UBE4B: variants seen among roughly 807,000 people sequenced by gnomAD.
UBE4B encodes the protein ubiquitination factor E4B.
UBE4B carries 27 observed loss-of-function variants against 148.1 expected under a neutral mutation model. The ratio of observed to expected loss-of-function variants is 0.18; its 90% CI spans 0.13 to 0.25. The LOEUF (loss-of-function observed/expected upper bound fraction) is 0.25, where lower values mean the gene tolerates loss of function less well. Among genes scored for constraint, UBE4B ranks in the 10% least tolerant of loss-of-function variants. The probability of loss-of-function intolerance (pLI) is 1.00; values close to 1 mark genes in which losing one functional copy is unlikely to be tolerated. For synonymous variants in UBE4B, 596 were observed against 619.3 expected (o/e 0.96, Z 0.56); for missense variants, 1,170 against 1,662.4 (o/e 0.70, Z 5.15).
intron 7 of UBE4B, among the ~76,000 whole-genome samples, chr1:10,109,823 G>A (rs756832690): frequency 5.9e-4 from 90 of 152,010 alleles, no homozygotes; most frequent in Non-Finnish European, 1.2e-3. Flanking sequence ...GCTAATTTTT[G>A]TATTTTTAGC....
chr1:10,045,654 G>A (rs982496005), intron 1 of UBE4B, among the ~76,000 whole-genome samples: 1 of 152,202 alleles, frequency 6.6e-6, no homozygotes, highest in South Asian at 2.1e-4. Context: ...CTGCTGTGAA[G>A]AGAATAGATA....
intron 16 of UBE4B, among the ~76,000 whole-genome samples, chr1:10,136,811 T>C (rs1645693372): frequency 6.6e-6 from 1 of 151,918 alleles, no homozygotes; most frequent in Non-Finnish European, 1.5e-5. Context: ...CCCAGCTTAC[T>C]AGGGAGGCTG....
Position 10,168,239 on chromosome 1 carries a change from C to T in UBE4B, c.3302C>T (p.Thr1101Met), listed in dbSNP as rs1646284773. Residue 1101 changes from threonine (T) to methionine (M), a missense_variant, in exon 24 of 28, where the codon ACG becomes ATG. Thr to Met is a moderately conservative substitution (Grantham distance 81, BLOSUM62 -1). This residue lies in a region of UBE4B where 348 missense variants were observed against 627.2 expected (regional missense o/e 0.55). Coordinates refer to ENST00000343090, the MANE Select transcript of UBE4B (RefSeq NM_001105562.3). This position sits in a 1 kb window ranked among gnomAD's most constrained non-coding sequence, Gnocchi z 4.9. The stretch of plus-strand genomic sequence containing the variant: ...ACCGTGGACATGTTCCACATCCTCA[C>T]GAAGCAGGTCCAGAAGCCCTTCCTC... ...TETVDMFHIL[T>M]KQVQKPFLRP... 1 of 1,614,160 alleles carries T rather than the reference C, an allele frequency of 6.2e-7. No homozygotes were observed. The highest frequency in any genetic ancestry group is 8.5e-7 in the Non-Finnish European group (1 of 1,180,026).
intron 17 of UBE4B, among the ~76,000 whole-genome samples, chr1:10,138,835 A>G (rs1645738697): frequency 6.6e-6 from 1 of 152,178 alleles, no homozygotes; most frequent in South Asian, 2.1e-4. Context: ...TACTTTTGCC[A>G]TATCTGTTGA....
intron 25 of UBE4B, among the ~76,000 whole-genome samples, chr1:10,177,667 A>G (rs1302610729): frequency 6.6e-6 from 1 of 151,682 alleles, no homozygotes; most frequent in Non-Finnish European, 1.5e-5. Context: ...AAATATATAT[A>G]TATATTTATA....
At chr1:10,164,439 T>G (rs1646216706) in intron 23 of UBE4B, among the ~76,000 whole-genome samples, 2 of 151,960 alleles carry the variant, frequency 1.3e-5, no homozygotes, top group Admixed American at 6.6e-5. Context: ...GCCTACAACC[T>G]CCTGGCCTCA....
At chr1:10,136,376 A>G (rs1191904466) in intron 16 of UBE4B, among the ~76,000 whole-genome samples, 1 of 151,822 alleles carries the variant, frequency 6.6e-6, no homozygotes, top group Non-Finnish European at 1.5e-5. Flanking sequence ...AGACTGAGGC[A>G]GGAGGATTGC....
rs1643389592 is a variant in UBE4B, at chr1:10,033,653, AC to A, written c.-16del. ...GAAGGATCTCTCCTTAACGCCTTTCACCATTAAGAGGAAAGCGATGGAGGAG... is the reference window on the plus strand; with the variant it reads ...GAAGGATCTCTCCTTAACGCCTTTCACATTAAGAGGAAAGCGATGGAGGAG... On this transcript the variant is annotated 5_prime_UTR_variant, in exon 1 of 28. Coordinates refer to ENST00000343090, the MANE Select transcript of UBE4B (RefSeq NM_001105562.3). 2.2e-5 allele frequency: 34 copies of A among 1,561,714 alleles called. No homozygotes were observed. Among genetic ancestry groups the A allele is most frequent in the Non-Finnish European group, 2.8e-5 (32 of 1,154,778 alleles).
chr1:10,144,797 G>C (rs187350685), intron 17 of UBE4B, 143 bp from the exon 18 acceptor site: 66 of 517,310 alleles, frequency 1.3e-4, no homozygotes, highest in African/African-American at 1.2e-3. Flanking sequence ...ATTTGCCGCT[G>C]GTTGTAAGAT....
intron 25 of UBE4B, among the ~76,000 whole-genome samples, chr1:10,173,050 G>A (rs1336939866): frequency 6.6e-6 from 1 of 152,156 alleles, no homozygotes; most frequent in Non-Finnish European, 1.5e-5. Context: ...ATTCTATGAT[G>A]TTTACACAGC....
intron 1 of UBE4B, among the ~76,000 whole-genome samples, chr1:10,043,462 T>C (rs539132192): frequency 8.3e-4 from 122 of 147,254 alleles, no homozygotes; most frequent in African/African-American, 2.9e-3. Flanking sequence ...GTCTCACTCT[T>C]GTCACCCAGG....
At chr1:10,158,213 C>T in intron 21 of UBE4B, 143 bp from the exon 22 acceptor site, 1 of 972,306 alleles carries the variant, frequency 1.0e-6, no homozygotes, top group Non-Finnish European at 1.5e-6. Flanking sequence ...TCTGTCGTGC[C>T]CTACATGCAA....
At position 10,151,571 on chromosome 1, in the gene UBE4B, T is replaced by A. The variant is rs760187638; in HGVS notation, c.2926+10T>A. On this transcript the variant is annotated intron_variant, in intron 21 of 27. Coordinates refer to ENST00000343090, the MANE Select transcript of UBE4B (RefSeq NM_001105562.3). ...ATGAAGTTTTATACAGGTAGGTTGCTGGAACACAGTGTAGCACATGGCAGG... is the reference window on the plus strand; with the variant it reads ...ATGAAGTTTTATACAGGTAGGTTGCAGGAACACAGTGTAGCACATGGCAGG... The A allele has an allele frequency of 1.9e-6, 3 of 1,610,932 alleles. No individual in the cohort carries two copies. Among genetic ancestry groups the A allele is most frequent in the Non-Finnish European group, 2.5e-6 (3 of 1,177,724 alleles).
At chr1:10,133,303 C>T (rs1351673087) in intron 15 of UBE4B, among the ~76,000 whole-genome samples, 4 of 152,150 alleles carry the variant, frequency 2.6e-5, no homozygotes, top group African/African-American at 4.8e-5. Context: ...GTGGTTCCAC[C>T]GTTTACTAAC....
At chr1:10,103,861 C>T (rs1392725302) in intron 5 of UBE4B, among the ~76,000 whole-genome samples, 6 of 152,046 alleles carry the variant, frequency 3.9e-5, no homozygotes, top group Non-Finnish European at 8.8e-5. Context: ...CTCCTGATCT[C>T]GTGATCCGCC....
chr1:10,078,718 GT>G (rs1477357698), intron 2 of UBE4B, among the ~76,000 whole-genome samples: 1 of 152,180 alleles, frequency 6.6e-6, no homozygotes, highest in Non-Finnish European at 1.5e-5. Context: ...TTGCTCAAGA[GT>G]CCCCCAACAG....
At chr1:10,131,662 A>G (rs1244804698) in intron 14 of UBE4B, among the ~76,000 whole-genome samples, 1 of 152,064 alleles carries the variant, frequency 6.6e-6, no homozygotes, top group African/African-American at 2.4e-5. Context: ...GAGGTCAGGA[A>G]GTCATCCTGG....
chr1:10,106,482 C>T lies in UBE4B; in HGVS notation c.1095C>T (p.Ala365=). The T allele has an allele frequency of 6.2e-7, 1 of 1,613,818 alleles. No homozygotes were observed. The highest frequency in any genetic ancestry group is 8.5e-7 in the Non-Finnish European group (1 of 1,180,012). Reference sequence around the variant, plus strand: ...CCAGTAGCCCCCAAGCAGTGCCCGCCAGCAGTTCCAGACAGAGGCCCAGCA... The same window carrying T: ...CCAGTAGCCCCCAAGCAGTGCCCGCTAGCAGTTCCAGACAGAGGCCCAGCA... ...ALASSPQAVP[A]SSSRQRPSST... is the part of the protein sequence containing the mutation. Residue 365 remains alanine (A), a synonymous_variant, in exon 7 of 28, where the codon GCC becomes GCT. Coordinates refer to ENST00000343090, the MANE Select transcript of UBE4B (RefSeq NM_001105562.3). This position sits in a 1 kb window ranked among gnomAD's most constrained non-coding sequence, Gnocchi z 4.2.
intron 4 of UBE4B, among the ~76,000 whole-genome samples, chr1:10,101,406 T>C (rs559552442): frequency 6.6e-6 from 1 of 152,094 alleles, no homozygotes; most frequent in Non-Finnish European, 1.5e-5. Flanking sequence ...TATCCATCTG[T>C]TTTTGGTTCA....
Sources: gnomAD v4.1 joint callset for allele counts (sites outside exome capture counted in the v4.1 genomes callset) on GRCh38, gnomAD v4.1.1 for gene constraint, gnomAD v4.1.1 regional missense constraint, Gnocchi (gnomAD v3.1) non-coding constraint, MANE v1.5 for transcripts, NCBI Gene and HGNC (gene_info 2026-07-23, HGNC 2026-07-21) for gene names.